CD109: variants seen among roughly 807,000 people sequenced by gnomAD.
CD109 encodes the protein CD109 molecule.
A neutral mutation model predicts 165.8 loss-of-function variants in CD109; 149 were observed. That is an observed-to-expected ratio of 0.90 (90% CI 0.79 to 1.03). The LOEUF (loss-of-function observed/expected upper bound fraction) is 1.03, where lower values mean the gene tolerates loss of function less well. Among genes scored for constraint, CD109 ranks in the 50% least tolerant of loss-of-function variants. The pLI is 0.00. For missense variants in CD109, 1,712 were observed against 1,677.8 expected (o/e 1.02, Z -0.36); for synonymous variants, 585 against 592.1 (o/e 0.99, Z 0.18).
At chr6:73,733,820 A>G (rs1257537840) in intron 4 of CD109, among the ~76,000 whole-genome samples, 2 of 152,216 alleles carry the variant, frequency 1.3e-5, no homozygotes, top group Non-Finnish European at 2.9e-5. Context: ...GGCTGGACAG[A>G]CATGTTATTC....
At chr6:73,817,800 TC>T (rs1211918441) in intron 30 of CD109, among the ~76,000 whole-genome samples, 2 of 152,212 alleles carry the variant, frequency 1.3e-5, no homozygotes, top group Middle Eastern at 3.4e-3. Flanking sequence ...AATAAAACTT[TC>T]CAAGGCTTGT....
At chr6:73,719,291 G>A (rs769379379) in intron 2 of CD109, among the ~76,000 whole-genome samples, 37 of 152,134 alleles carry the variant, frequency 2.4e-4, no homozygotes, top group Non-Finnish European at 4.4e-4. Flanking sequence ...GAAATAAGCC[G>A]CCCCCAGATT....
rs921766724 is a variant in CD109, at chr6:73,826,898, A to G, written c.*3265A>G. The G allele has an allele frequency of 1.4e-5, 2 of 141,304 alleles. No individual in the cohort carries two copies. The highest frequency in any genetic ancestry group is 7.0e-5 in the Admixed American group (1 of 14,284). The allele number at this position is 141,304 out of a possible 1,614,324, so 8.8% of individuals were successfully genotyped here. A position where few individuals can be genotyped will look rare whatever the true frequency, so the allele number is the denominator to read the frequency against. ...AAAGACATATTTAGCTTTAATTTCT[A>G]TTTATGCTAAACATATTTATAAGTA... On this transcript the variant is annotated 3_prime_UTR_variant, in exon 33 of 33. Transcript: ENST00000287097.
chr6:73,804,252 G>A (rs1385262737), intron 24 of CD109, among the ~76,000 whole-genome samples: 1 of 152,220 alleles, frequency 6.6e-6, no homozygotes, highest in Non-Finnish European at 1.5e-5. Flanking sequence ...ACATGAAACA[G>A]ATCTGCTTCA....
At chr6:73,692,113 C>T (rs756369782), upstream of CD109, among the ~76,000 whole-genome samples, 6 of 152,038 alleles carry the variant, frequency 3.9e-5, no homozygotes, top group African/African-American at 1.2e-4. Context: ...AACAGCACCA[C>T]GGGGGAAATC....
At chr6:73,818,042 A>G (rs886856402) in intron 30 of CD109, among the ~76,000 whole-genome samples, 2 of 151,918 alleles carry the variant, frequency 1.3e-5, no homozygotes, top group Non-Finnish European at 2.9e-5. Flanking sequence ...GAAAAGTGCA[A>G]TTCTGTTTGG....
chr6:73,781,387 A>G, intron 17 of CD109, 68 bp downstream of exon 17: 1 of 1,289,164 alleles, frequency 7.8e-7, no homozygotes, highest in Non-Finnish European at 1.1e-6. Flanking sequence ...TTATATAGGT[A>G]TGGATATTTT....
chr6:73,823,626 G>A lies in CD109; in HGVS notation c.4331G>A (p.Trp1444Ter), dbSNP rs1346214407. 6.2e-7 allele frequency: 1 copy of A among 1,605,710 alleles called. No individual in the cohort carries two copies. Among genetic ancestry groups the A allele is most frequent in the Non-Finnish European group, 8.5e-7 (1 of 1,174,326 alleles). ...AAGCTTCTGTACTTTATGGAACTTT[G>A]GCTGTGATTTATTTTTAAAGGACTC... ...CFKLLYFMEL[W>*]L Residue 1444 changes from tryptophan to a stop codon, truncating the protein, a stop_gained, in exon 33 of 33, where the codon TGG becomes TAG. Transcript: ENST00000287097. LOFTEE classifies it high-confidence loss of function.
intron 2 of CD109, among the ~76,000 whole-genome samples, chr6:73,719,499 A>G (rs760697444): frequency 6.6e-6 from 1 of 152,166 alleles, no homozygotes; most frequent in Non-Finnish European, 1.5e-5. Context: ...TCACTCAGTC[A>G]TATATTTAAT....
the CD109 span, among the ~76,000 whole-genome samples, chr6:73,688,761 G>GTTT: frequency 0.035 from 2,588 of 73,480 alleles, 561 homozygotes; most frequent in African/African-American, 0.06. Context: ...GTTTTTCTTT[G>GTTT]TTTTTTTTTT....
Position 73,783,807 on chromosome 6 carries a change from A to T in CD109, c.2206A>T (p.Thr736Ser). The change falls in exon 19 of 33, where the codon ACA becomes TCA. Residue 736 changes from threonine (T) to serine (S), a missense_variant. Coordinates refer to ENST00000287097, the MANE Select transcript of CD109 (RefSeq NM_133493.5). ...VISEDLGLGLTTTPVELQAFQ... is the reference protein window; with the variant it reads ...VISEDLGLGLSTTPVELQAFQ... ...CTCTGAGGACCTGGGTCTTGGACTA[A>T]CAACTACTCCAGTGGAGGTATTGTA... 1.9e-6 allele frequency: 3 copies of T among 1,592,390 alleles called. No homozygotes were observed. The highest frequency in any genetic ancestry group is 2.6e-6 in the Non-Finnish European group (3 of 1,160,756).
intron 23 of CD109, among the ~76,000 whole-genome samples, chr6:73,798,988 C>T (rs1370359619): frequency 6.6e-6 from 1 of 152,088 alleles, no homozygotes; most frequent in Non-Finnish European, 1.5e-5. Flanking sequence ...CTCTCCTTCT[C>T]CTCTCTTCTT....
intron 23 of CD109, among the ~76,000 whole-genome samples, chr6:73,801,056 C>A (rs1352471490): frequency 3.3e-5 from 5 of 152,058 alleles, no homozygotes; most frequent in Admixed American, 3.3e-4. Context: ...AGAGTAATGC[C>A]TATTGTTTGT....
intron 17 of CD109, among the ~76,000 whole-genome samples, chr6:73,782,172 G>A (rs1484454049): frequency 6.6e-6 from 1 of 152,068 alleles, no homozygotes; most frequent in South Asian, 2.1e-4. Flanking sequence ...GCCCCAACAG[G>A]ACACCTGATC....
the CD109 span, among the ~76,000 whole-genome samples, chr6:73,679,628 G>GC: frequency 6.7e-6 from 1 of 149,524 alleles, no homozygotes; most frequent in South Asian, 2.1e-4. Flanking sequence ...TTTCTTTTCT[G>GC]TTTTTTTTTG....
chr6:73,784,519 A>G (rs1395045787), intron 19 of CD109, among the ~76,000 whole-genome samples: 1 of 152,170 alleles, frequency 6.6e-6, no homozygotes, highest in African/African-American at 2.4e-5. Context: ...GGCTGTCCTG[A>G]GTATTGCAGA....
At chr6:73,713,042 G>A (rs1156707313) in intron 2 of CD109, among the ~76,000 whole-genome samples, 1 of 152,148 alleles carries the variant, frequency 6.6e-6, no homozygotes, top group Admixed American at 6.5e-5. Flanking sequence ...AGCAACAGCA[G>A]AGAAAGAGAT....
chr6:73,690,696 G>A, the CD109 span, among the ~76,000 whole-genome samples: 1 of 152,156 alleles, frequency 6.6e-6, no homozygotes, highest in Non-Finnish European at 1.5e-5. Context: ...CACCGTGCCC[G>A]GCTGCAGCTG....
intron 22 of CD109, among the ~76,000 whole-genome samples, chr6:73,789,777 C>CT (rs1413154552): frequency 7.4e-6 from 1 of 134,380 alleles, no homozygotes; most frequent in African/African-American, 2.8e-5. Context: ...TTTTTTTTTC[C>CT]TTTGATGGAG....
Sources: gnomAD v4.1 joint callset for allele counts (sites outside exome capture counted in the v4.1 genomes callset) on GRCh38, gnomAD v4.1.1 for gene constraint, MANE v1.5 for transcripts, NCBI Gene and HGNC (gene_info 2026-07-23, HGNC 2026-07-21) for gene names.